Variants in SOX5 observed in about 807,000 individuals in gnomAD.
SOX5 encodes the protein transcription factor SOX-5.
SOX5 carries 9 observed loss-of-function variants against 92.0 expected under a neutral mutation model. That is an observed-to-expected ratio of 0.10 (90% CI 0.06 to 0.17). The LOEUF (loss-of-function observed/expected upper bound fraction) is 0.17. Among genes scored for constraint, SOX5 ranks in the 10% least tolerant of loss-of-function variants. SOX5 has a pLI of 1.00. For synonymous variants in SOX5, 344 were observed against 336.3 expected, an observed-to-expected ratio of 1.02 and a Z score of -0.25; for missense variants, 642 against 944.5, an observed-to-expected ratio of 0.68 and a Z score of 4.20.
At chr12:23,842,155 A>G (rs964721030) in intron 3 of SOX5, among the ~76,000 whole-genome samples, 3 of 152,166 alleles carry the variant, frequency 2.0e-5, no homozygotes, top group Admixed American at 6.5e-5. Flanking sequence ...AAAAGGACAC[A>G]TACACTGTTC....
Position 23,825,532 on chromosome 12 carries a change from G to A in SOX5, c.481+20451C>T, listed in dbSNP as rs141868765. Reference sequence around the variant, plus strand: ...CAGTTCCTATTCGGCCATCTTGCCCGGGGGCCCCTATTATTTTTATTTTAT... The same window carrying A: ...CAGTTCCTATTCGGCCATCTTGCCCAGGGGCCCCTATTATTTTTATTTTAT... On this transcript the variant is annotated intron_variant, in intron 3 of 14. Transcript: ENST00000451604. Among the ~76,000 whole-genome samples, 231 of 152,136 alleles carry A rather than the reference G, an allele frequency of 1.5e-3. 2 individuals carry two copies. Among genetic ancestry groups the A allele is most frequent in the African/African-American group, 5.3e-3 (221 of 41,420 alleles).
Position 24,093,878 on chromosome 12 carries a change from C to A in SOX5, c.-2+119465G>T, listed in dbSNP as rs76752056. On this transcript the variant is annotated intron_variant, in intron 4 of 4. Transcript: ENST00000446891. ...GAATTCTTGCTGCTCTTCACATTCACCAACACTTGGTATTTTCAGGCATTC... is the reference window on the plus strand; with the variant it reads ...GAATTCTTGCTGCTCTTCACATTCAACAACACTTGGTATTTTCAGGCATTC... Among the ~76,000 whole-genome samples the A allele has an allele frequency of 3.7e-3, 564 of 152,206 alleles. 2 individuals are homozygous for A. The highest frequency in any genetic ancestry group is 6.8e-3 in the Middle Eastern group (2 of 294).
At chr12:24,560,149 T>C (rs1166476064) in intron 1 of SOX5, among the ~76,000 whole-genome samples, 1 of 152,128 alleles carries the variant, frequency 6.6e-6, no homozygotes, top group Non-Finnish European at 1.5e-5. Context: ...AGGAACAAGG[T>C]TGTTAGAAGA....
At chr12:23,700,970 C>T (rs773408175) in intron 6 of SOX5, among the ~76,000 whole-genome samples, 25 of 150,226 alleles carry the variant, frequency 1.7e-4, no homozygotes, top group African/African-American at 5.4e-4. Context: ...TATATATATA[C>T]AAACACACAC....
intron 3 of SOX5, among the ~76,000 whole-genome samples, chr12:24,243,704 G>T (rs948262462): frequency 6.6e-6 from 1 of 152,000 alleles, no homozygotes; most frequent in Non-Finnish European, 1.5e-5. Context: ...CATTCATTAA[G>T]TATACATGTG....
At chr12:24,386,056 AC>A (rs1290493407) in intron 1 of SOX5, among the ~76,000 whole-genome samples, 2 of 152,140 alleles carry the variant, frequency 1.3e-5, no homozygotes, top group African/African-American at 4.8e-5. Flanking sequence ...GGTTTTGGAA[AC>A]TGTGATTTTA....
At chr12:24,485,640 G>C (rs748712191) in intron 1 of SOX5, among the ~76,000 whole-genome samples, 14 of 152,072 alleles carry the variant, frequency 9.2e-5, no homozygotes, top group Non-Finnish European at 2.1e-4. Context: ...AGAGCACCTA[G>C]AAATAAATGT....
intron 4 of SOX5, among the ~76,000 whole-genome samples, chr12:24,109,846 A>C (rs1947114793): frequency 6.6e-6 from 1 of 152,248 alleles, no homozygotes; most frequent in African/African-American, 2.4e-5. Context: ...CTAAGCCTAC[A>C]GTCCATGTCC....
At chr12:24,292,747 G>A (rs1234824022) in intron 2 of SOX5, among the ~76,000 whole-genome samples, 1 of 152,176 alleles carries the variant, frequency 6.6e-6, no homozygotes, top group Non-Finnish European at 1.5e-5. Flanking sequence ...TTCTCAGACT[G>A]TATCAAGTTT....
intron 8 of SOX5, among the ~76,000 whole-genome samples, chr12:23,639,995 G>A (rs2079829202): frequency 6.6e-6 from 1 of 152,152 alleles, no homozygotes; most frequent in African/African-American, 2.4e-5. Flanking sequence ...GGCATACTGT[G>A]TCTTTCAGGT....
chr12:23,842,009 C>T (rs896586823), intron 3 of SOX5, among the ~76,000 whole-genome samples: 1 of 151,902 alleles, frequency 6.6e-6, no homozygotes, highest in Admixed American at 6.6e-5. Context: ...GTGAGGGACA[C>T]CAGTAAAGAA....
chr12:23,966,140 T>A (rs912080118), intron 4 of SOX5, among the ~76,000 whole-genome samples: 2 of 139,516 alleles, frequency 1.4e-5, no homozygotes, highest in Non-Finnish European at 3.0e-5. Flanking sequence ...TGATTGTGAA[T>A]CTAACATCTT....
At chr12:23,857,617 C>A (rs978789208) in intron 2 of SOX5, among the ~76,000 whole-genome samples, 2 of 152,062 alleles carry the variant, frequency 1.3e-5, no homozygotes, top group Non-Finnish European at 2.9e-5. Flanking sequence ...TCTATAGGGA[C>A]AATGACAGGA....
chr12:23,781,246 T>A (rs1045939505), intron 3 of SOX5, among the ~76,000 whole-genome samples: 1 of 151,874 alleles, frequency 6.6e-6, no homozygotes, highest in Non-Finnish European at 1.5e-5. Flanking sequence ...AAACCTCTGC[T>A]GTTACCATGG....
At chr12:23,584,730 A>AGTGTGTGT (rs34653390) in intron 9 of SOX5, 8 of 602,550 alleles carry the variant, frequency 1.3e-5, no homozygotes, top group Admixed American at 2.6e-5. Flanking sequence ...GACAGGTGTG[A>AGTGTGTGT]GTGTGTGTGT....
chr12:24,272,448 T>C (rs533364962), intron 3 of SOX5, among the ~76,000 whole-genome samples: 31 of 152,196 alleles, frequency 2.0e-4, no homozygotes, highest in Non-Finnish European at 4.4e-5. Context: ...CTTGTCTTGT[T>C]CTTGAACACA....
chr12:23,809,822 G>A (rs566403586), intron 3 of SOX5, among the ~76,000 whole-genome samples: 1 of 134,636 alleles, frequency 7.4e-6, no homozygotes, highest in Non-Finnish European at 1.6e-5. Flanking sequence ...GACTCCAATT[G>A]ATAACAGACT....
At chr12:23,985,653 G>T (rs1346797858) in intron 4 of SOX5, among the ~76,000 whole-genome samples, 3 of 139,934 alleles carry the variant, frequency 2.1e-5, no homozygotes, top group Non-Finnish European at 4.7e-5. Context: ...TTCTTGAAAT[G>T]CTTCCCTTAT....
rs373571301 is a variant in SOX5 at position 23,765,385 on chromosome 12, C to CAAAAAAAAAAAAAAAAAAAAAAAAAAA, written c.482-9662_482-9661insTTTTTTTTTTTTTTTTTTTTTTTTTTT. On this transcript the variant is annotated intron_variant, in intron 3 of 14. Coordinates refer to ENST00000451604, the MANE Select transcript of SOX5 (RefSeq NM_006940.6). ...CTGTGAAGTCAAAAGTGTAAAACAG[C>CAAAAAAAAAAAAAAAAAAAAAAAAAAA]AAAAAAAAAAAAAAAAAAAAAAAAA... Among the ~76,000 whole-genome samples, 2 of 31,432 alleles carry CAAAAAAAAAAAAAAAAAAAAAAAAAAA rather than the reference C, an allele frequency of 6.4e-5. 1 individual carries two copies. The highest frequency in any genetic ancestry group is 2.3e-3 in the East Asian group (2 of 856). The allele number at this position is 31,432 out of a possible 152,430, so 20.6% of individuals were successfully genotyped here.
Sources: gnomAD v4.1 joint callset for allele counts (sites outside exome capture counted in the v4.1 genomes callset) on GRCh38, gnomAD v4.1.1 for gene constraint, MANE v1.5 for transcripts, NCBI Gene and HGNC (gene_info 2026-07-23, HGNC 2026-07-21) for gene names.